GTF2IRD2: variants seen among roughly 807,000 people sequenced by gnomAD.
The protein encoded by GTF2IRD2 is GTF2I repeat domain containing 2.
A neutral mutation model predicts 49.2 loss-of-function variants in GTF2IRD2; 8 were observed. The observed-to-expected ratio is 0.16, with a 90% CI of 0.10 to 0.29. The LOEUF (loss-of-function observed/expected upper bound fraction) is 0.29. Among genes scored for constraint, GTF2IRD2 ranks in the 10% least tolerant of loss-of-function variants. GTF2IRD2 has a pLI of 1.00. For synonymous variants in GTF2IRD2, 47 were observed against 289.7 expected (o/e 0.16, Z 8.51); for missense variants, 130 against 725.7 (o/e 0.18, Z 9.43).
chr7:74,839,741 C>T (rs587760703), intron 1 of GTF2IRD2, among the ~76,000 whole-genome samples: 3 of 89,940 alleles, frequency 3.3e-5, no homozygotes, highest in Non-Finnish European at 6.6e-5. Flanking sequence ...TGGTGGCTCA[C>T]GCCTATAATC....
chr7:74,828,433 G>A (rs1421128020), intron 3 of GTF2IRD2, among the ~76,000 whole-genome samples: 2 of 136,436 alleles, frequency 1.5e-5, no homozygotes, highest in Admixed American at 1.6e-4. Flanking sequence ...CACTTTGGGA[G>A]GCGGAGGCAG....
At chr7:74,821,919 TA>T (rs782547060) in intron 6 of GTF2IRD2, 114,031 of 138,602 alleles carry the variant, frequency 0.82, 47,368 homozygotes, top group East Asian at 0.96. Flanking sequence ...TTATTTCTTC[TA>T]AAAAAAAAAA....
chr7:74,836,875 C>CTCTT (rs1382520303), intron 1 of GTF2IRD2, among the ~76,000 whole-genome samples: 4 of 141,306 alleles, frequency 2.8e-5, no homozygotes, highest in East Asian at 4.2e-4. Flanking sequence ...CCTGCTAACT[C>CTCTT]TCTTTCTTTC....
At chr7:74,798,421 G>C (rs1182305683) in intron 15 of GTF2IRD2, among the ~76,000 whole-genome samples, 156 bp from the exon 16 acceptor site, 32 of 151,516 alleles carry the variant, frequency 2.1e-4, no homozygotes, top group African/African-American at 7.8e-4. Flanking sequence ...CAGAGGGACG[G>C]CTGACCCTCA....
chr7:74,841,927 C>A (rs1361148481), intron 1 of GTF2IRD2, among the ~76,000 whole-genome samples: 1 of 138,260 alleles, frequency 7.2e-6, no homozygotes, highest in Non-Finnish European at 1.5e-5. Context: ...AGATCGAGAC[C>A]ATCCTGGCCA....
At chr7:74,822,222 C>T (rs801012) in intron 6 of GTF2IRD2, 355,751 of 435,430 alleles carry the variant, frequency 0.82, 150,666 homozygotes, top group East Asian at 0.96. Context: ...AATTTTTTTT[C>T]GTATTTTTAG....
rs1304516621 is a variant in GTF2IRD2 at position 74,829,886 on chromosome 7, T to TCAAAAAAACAAA, written c.238+2918_238+2919insTTTGTTTTTTTG. Among the ~76,000 whole-genome samples, 113 of 18,244 alleles carry TCAAAAAAACAAA rather than the reference T, an allele frequency of 6.2e-3. 5 individuals carry two copies. Among genetic ancestry groups the TCAAAAAAACAAA allele is most frequent in the African/African-American group, 0.029 (64 of 2,228 alleles). 12.0% of individuals were successfully genotyped at this position (18,244 alleles called of 152,430 possible). ...CTGGGCGATAGAGCGAGATTCTGTC[T>TCAAAAAAACAAA]CAAAAAAAAAAAAAAATTCATATGG... is the stretch of plus-strand genomic sequence containing the variant. On this transcript the variant is annotated intron_variant, in intron 3 of 15. Transcript: ENST00000451013.
Position 74,796,670 on chromosome 7 carries a change from C to G in GTF2IRD2, c.2842G>C (p.Ala948Pro). The G allele has an allele frequency of 1.4e-6, 1 of 732,850 alleles. No homozygotes were observed. Among genetic ancestry groups the G allele is most frequent in the Non-Finnish European group, 2.5e-6 (1 of 402,152 alleles). The allele number at this position is 732,850 out of a possible 1,614,324, so 45.4% of individuals were successfully genotyped here. A position where few individuals can be genotyped will look rare whatever the true frequency, so the allele number is the denominator to read the frequency against. Residue 948 changes from alanine to proline, a missense_variant, in exon 16 of 16, where the codon GCA becomes CCA. Transcript: ENST00000451013. ...DSQWDSVLHI[A>P]T ...CAGGAGTTTTCTCTCCATCACGTTG[C>G]GATGTGGAGTACAGAATCCCACTGG...
rs1299848444 is a variant in GTF2IRD2 at position 74,815,378 on chromosome 7, G to T, written c.671-2562C>A. Among the ~76,000 whole-genome samples, 2 of 79,976 alleles carry T rather than the reference G, an allele frequency of 2.5e-5. 1 individual carries two copies. Among genetic ancestry groups the T allele is most frequent in the African/African-American group, 6.0e-5 (2 of 33,154 alleles). The allele number at this position is 79,976 out of a possible 152,430, so 52.5% of individuals were successfully genotyped here. A position where few individuals can be genotyped will look rare whatever the true frequency, so the allele number is the denominator to read the frequency against. On this transcript the variant is annotated intron_variant, in intron 8 of 15. Coordinates refer to ENST00000451013, the MANE Select transcript of GTF2IRD2 (RefSeq NM_173537.5). ...AAGCAGGAGAATCGCTTGAACCCGG[G>T]GGGGCGGAAGTTGCAGTGAGCTGAG... is the stretch of plus-strand genomic sequence containing the variant.
intron 1 of GTF2IRD2, among the ~76,000 whole-genome samples, chr7:74,839,943 T>C (rs1475879252): frequency 6.8e-6 from 1 of 146,128 alleles, no homozygotes; most frequent in African/African-American, 2.6e-5. Flanking sequence ...GAGGTTGCAG[T>C]GAGCCAAGAT....
In GTF2IRD2 at chr7:74,806,209, G is replaced by A. The variant is rs1397266503; in HGVS notation, c.949+725C>T. Among the ~76,000 whole-genome samples, 54 of 125,158 alleles carry A rather than the reference G, an allele frequency of 4.3e-4. No homozygotes were observed. In the East Asian group the frequency reaches 5.6e-3, roughly 13 times the overall value. 82.1% of individuals were successfully genotyped at this position (125,158 alleles called of 152,430 possible). On this transcript the variant is annotated intron_variant, in intron 12 of 15. Coordinates refer to ENST00000451013, the MANE Select transcript of GTF2IRD2 (RefSeq NM_173537.5). ...GTCTCTCTCCTATCCCTATCTCAGC[G>A]GTCAGTTTCCTTCCCTGGAGGAACT...
intron 3 of GTF2IRD2, among the ~76,000 whole-genome samples, chr7:74,827,082 G>T (rs1799469687): frequency 1.3e-5 from 2 of 150,330 alleles, no homozygotes; most frequent in African/African-American, 4.9e-5. Flanking sequence ...CCGTCATCTG[G>T]TGATGGATGC....
intron 1 of GTF2IRD2, among the ~76,000 whole-genome samples, chr7:74,841,570 C>A (rs1327717271): frequency 7.2e-6 from 1 of 139,460 alleles, no homozygotes; most frequent in Non-Finnish European, 1.5e-5. Flanking sequence ...TGGACTCAAG[C>A]CATCCTTCCC....
chr7:74,825,993 G>GGGTTTCA (rs1799355519), intron 3 of GTF2IRD2, among the ~76,000 whole-genome samples: 1 of 151,620 alleles, frequency 6.6e-6, no homozygotes, highest in Admixed American at 6.6e-5. Context: ...AGTAGAGATG[G>GGGTTTCA]CCAGAATGGT....
At chr7:74,831,489 C>A (rs1456505517) in intron 3 of GTF2IRD2, among the ~76,000 whole-genome samples, 2 of 142,032 alleles carry the variant, frequency 1.4e-5, no homozygotes, top group East Asian at 4.0e-4. Context: ...CCATAGAGAC[C>A]CCTCTCTCTG....
chr7:74,831,428 TAC>T (rs1180319521), intron 3 of GTF2IRD2, among the ~76,000 whole-genome samples: 2 of 150,050 alleles, frequency 1.3e-5, no homozygotes, highest in African/African-American at 4.9e-5. Context: ...AATCTACTTA[TAC>T]ACACACAGAC....
At chr7:74,818,640 A>T (rs1211747384) in intron 8 of GTF2IRD2, among the ~76,000 whole-genome samples, 12 of 134,262 alleles carry the variant, frequency 8.9e-5, no homozygotes, top group Non-Finnish European at 1.5e-4. Flanking sequence ...TGCAGAGATG[A>T]AGTCTCGCCA....
chr7:74,839,931 C>G (rs587661130), intron 1 of GTF2IRD2, among the ~76,000 whole-genome samples: 1 of 144,524 alleles, frequency 6.9e-6, no homozygotes, highest in Non-Finnish European at 1.5e-5. Flanking sequence ...ACCCAGAAGG[C>G]GGAGGTTGCA....
chr7:74,831,406 A>G (rs1349467047), intron 3 of GTF2IRD2, among the ~76,000 whole-genome samples: 3 of 149,620 alleles, frequency 2.0e-5, no homozygotes, highest in African/African-American at 7.4e-5. Context: ...TTATCTATCT[A>G]CCTATCTATC....
Sources: allele counts gnomAD v4.1 joint callset (sites outside exome capture counted in the v4.1 genomes callset), GRCh38; gene constraint gnomAD v4.1.1; transcripts MANE v1.5; gene names NCBI Gene and HGNC (gene_info 2026-07-23, HGNC 2026-07-21).